The following PCDHGA9 variants were observed in gnomAD, a reference collection of about 807,000 sequenced individuals.
PCDHGA9 encodes the protein protocadherin gamma-A9.
PCDHGA9 carries 37 observed loss-of-function variants against 62.5 expected under a neutral mutation model. The ratio of observed to expected loss-of-function variants is 0.59; its 90% CI spans 0.46 to 0.78. The LOEUF (loss-of-function observed/expected upper bound fraction) is 0.78. Ranked by LOEUF, PCDHGA9 falls within the 30% of genes least tolerant of loss-of-function variation. The pLI is 0.00. For synonymous variants in PCDHGA9, 459 were observed against 484.6 expected (o/e 0.95, Z 0.69); for missense variants, 1,138 against 1,166.2 (o/e 0.98, Z 0.35).
At chr5:141,454,092 T>C (rs552760379) in intron 1 of PCDHGA9, among the ~76,000 whole-genome samples, 2 of 152,316 alleles carry the variant, frequency 1.3e-5, no homozygotes, top group East Asian at 3.9e-4. Flanking sequence ...GAAATTTGAA[T>C]TGAACATAAA....
chr5:141,453,560 G>A (rs1230229107), intron 1 of PCDHGA9, among the ~76,000 whole-genome samples: 3 of 151,968 alleles, frequency 2.0e-5, no homozygotes, highest in Admixed American at 6.6e-5. Flanking sequence ...GTAGATAATC[G>A]ATTTCATTAG....
intron 1 of PCDHGA9, among the ~76,000 whole-genome samples, chr5:141,437,310 C>T (rs1226274834): frequency 6.6e-6 from 1 of 152,166 alleles, no homozygotes; most frequent in Non-Finnish European, 1.5e-5. Flanking sequence ...TTAAAGCGTT[C>T]AGCTATAATT....
At position 141,415,832 on chromosome 5, in the gene PCDHGA9, T is replaced by C. The variant is rs995620508; in HGVS notation, c.2424+10456T>C. On this transcript the variant is annotated intron_variant, in intron 1 of 3. Coordinates refer to ENST00000573521, the MANE Select transcript of PCDHGA9 (RefSeq NM_018921.3). ...GCCTATATATCATAAGGCTTTGTTA[T>C]GATTAGCTTTGCAGAACCTTGTAGT... 33 of 1,310,754 alleles carry C rather than the reference T, an allele frequency of 2.5e-5. No individual in the cohort carries two copies. The African/African-American group carries it at 4.7e-4, about 19-fold the overall frequency. 81.2% of individuals were successfully genotyped at this position (1,310,754 alleles called of 1,614,324 possible).
At chr5:141,409,133 G>A in intron 1 of PCDHGA9, 1 of 1,614,002 alleles carries the variant, frequency 6.2e-7, no homozygotes, top group Non-Finnish European at 8.5e-7. Flanking sequence ...TGATTTTGAA[G>A]ATGTAGAAAG....
At chr5:141,424,036 C>T (rs2096796408) in intron 1 of PCDHGA9, 1 of 1,029,488 alleles carries the variant, frequency 9.7e-7, no homozygotes, top group Non-Finnish European at 1.2e-6. Flanking sequence ...CTTTTTATTT[C>T]CATTTCAATT....
intron 1 of PCDHGA9, chr5:141,407,951 A>C: frequency 1.7e-6 from 1 of 578,566 alleles, no homozygotes; most frequent in Non-Finnish European, 2.8e-6. Context: ...GCTGTCGGCC[A>C]GTGCAGAGCA....
In PCDHGA9 at chr5:141,477,806, G is replaced by T; in HGVS notation, c.2425-17001G>T. ...ATTTGTCACTGATCGCAATGACAAT[G>T]CCCCCCAGGTCCTATATCCTCGGCC... On this transcript the variant is annotated intron_variant, in intron 1 of 3. Coordinates refer to ENST00000573521, the MANE Select transcript of PCDHGA9 (RefSeq NM_018921.3). The surrounding 1 kb of genome is among the most constrained non-coding windows in gnomAD (Gnocchi z 4.9). 6.2e-7 allele frequency: 1 copy of T among 1,614,118 alleles called. No homozygotes were observed. The highest frequency in any genetic ancestry group is 8.5e-7 in the Non-Finnish European group (1 of 1,180,036).
At chr5:141,425,363 A>C (rs2096870488) in intron 1 of PCDHGA9, among the ~76,000 whole-genome samples, 1 of 152,212 alleles carries the variant, frequency 6.6e-6, no homozygotes, top group Non-Finnish European at 1.5e-5. Context: ...TGATATTAAG[A>C]GGGTTATGTT....
At chr5:141,496,994 T>A (rs2099773177) in intron 2 of PCDHGA9, among the ~76,000 whole-genome samples, 1 of 151,862 alleles carries the variant, frequency 6.6e-6, no homozygotes, top group Non-Finnish European at 1.5e-5. Flanking sequence ...GAGACCAGCC[T>A]GGCAGCCAAC....
intron 1 of PCDHGA9, among the ~76,000 whole-genome samples, chr5:141,442,703 C>A (rs1405830887): frequency 6.6e-6 from 1 of 152,218 alleles, no homozygotes; most frequent in Admixed American, 6.5e-5. Flanking sequence ...ACAAGAGTAT[C>A]AGACATGCCA....
chr5:141,431,725 G>A lies in PCDHGA9; in HGVS notation c.2424+26349G>A. The A allele has an allele frequency of 6.2e-7, 1 of 1,614,230 alleles. No individual in the cohort carries two copies. Among genetic ancestry groups the A allele is most frequent in the Non-Finnish European group, 8.5e-7 (1 of 1,180,044 alleles). On this transcript the variant is annotated intron_variant, in intron 1 of 3. Coordinates refer to ENST00000573521, the MANE Select transcript of PCDHGA9 (RefSeq NM_018921.3). The surrounding 1 kb of genome is among the most constrained non-coding windows in gnomAD (Gnocchi z 4.8). Reference sequence around the variant, plus strand: ...TCTACCAGATGGAAGTGCAAGCAATGGATAATGCAGGATATTCTGCGCGAG... The same window carrying A: ...TCTACCAGATGGAAGTGCAAGCAATAGATAATGCAGGATATTCTGCGCGAG...
chr5:141,416,006 G>A, intron 1 of PCDHGA9: 1 of 253,216 alleles, frequency 3.9e-6, no homozygotes, highest in Non-Finnish European at 7.3e-6. Context: ...GGTCTGGTAA[G>A]AATAGGTAAG....
At chr5:141,470,202 A>G (rs928782890) in intron 1 of PCDHGA9, among the ~76,000 whole-genome samples, 9 of 152,216 alleles carry the variant, frequency 5.9e-5, no homozygotes, top group Non-Finnish European at 1.2e-4. Flanking sequence ...GATAAATATG[A>G]AGGCTAAACC....
rs1554136305 is a variant in PCDHGA9, at chr5:141,450,006, CT to C, written c.2424+44648del. Reference sequence around the variant, plus strand: ...CACATTGCATTTAGTTGCCATGTCTCTTTTTTTTTTTTTTTTTTGAGACAGG... The same window carrying C: ...CACATTGCATTTAGTTGCCATGTCTCTTTTTTTTTTTTTTTTTGAGACAGG... On this transcript the variant is annotated intron_variant, in intron 1 of 3. Coordinates refer to ENST00000573521, the MANE Select transcript of PCDHGA9 (RefSeq NM_018921.3). Among the ~76,000 whole-genome samples, 140 of 132,944 alleles carry C rather than the reference CT, an allele frequency of 1.1e-3. 2 individuals are homozygous for C. In the Middle Eastern group the frequency reaches 0.016, roughly 15 times the overall value. 87.2% of individuals were successfully genotyped at this position (132,944 alleles called of 152,430 possible). A position where few individuals can be genotyped will look rare whatever the true frequency, so the allele number is the denominator to read the frequency against.
At position 141,511,237 on chromosome 5, in the gene PCDHGA9, TG is replaced by T; in HGVS notation, c.*65del. 1 of 1,590,378 alleles carries T rather than the reference TG, an allele frequency of 6.3e-7. No individual in the cohort carries two copies. Among genetic ancestry groups the T allele is most frequent in the Non-Finnish European group, 8.6e-7 (1 of 1,168,304 alleles). On this transcript the variant is annotated 3_prime_UTR_variant, in exon 4 of 4. Transcript: ENST00000573521. ...CCAACCAGCCCAGCTTCTCCTTACC[TG>T]CACCCAGGCCTCAGAGTTTCAGGGC...
Position 141,404,560 on chromosome 5 carries a change from C to T in PCDHGA9, c.1608C>T (p.Asp536=), listed in dbSNP as rs2094540099. 2.3e-5 allele frequency: 37 copies of T among 1,613,460 alleles called. No individual in the cohort carries two copies. Among genetic ancestry groups the T allele is most frequent in the Non-Finnish European group, 3.1e-5 (37 of 1,179,500 alleles). Residue 536 remains aspartate (D), a synonymous_variant, in exon 1 of 4, where the codon GAC becomes GAT. Transcript: ENST00000573521. ...TGCAAATGCAGGTGACGGCAAGTGA[C>T]AGTGGAAGCCCACCACTTAGCAGCA... The part of the protein sequence containing the change: ...RDLQMQVTAS[D]SGSPPLSSNV...
chr5:141,431,511 T>G lies in PCDHGA9; in HGVS notation c.2424+26135T>G, dbSNP rs1234369765. 6.2e-7 allele frequency: 1 copy of G among 1,614,018 alleles called. No individual in the cohort carries two copies. On this transcript the variant is annotated intron_variant, in intron 1 of 3. Transcript: ENST00000573521. The surrounding 1 kb of genome is among the most constrained non-coding windows in gnomAD (Gnocchi z 4.8). ...GCTCAGCCCGAGTACCGCGCGAGCGTTCCGGAGAATCTGGCCTTGGGCACG... is the reference window on the plus strand; with the variant it reads ...GCTCAGCCCGAGTACCGCGCGAGCGGTCCGGAGAATCTGGCCTTGGGCACG...
Position 141,454,981 on chromosome 5 carries a change from A to T in PCDHGA9, c.2425-39826A>T, listed in dbSNP as rs528657512. 9.9e-3 allele frequency among the ~76,000 whole-genome samples: 1,486 copies of T among 150,680 alleles called. 32 individuals carry two copies. Among genetic ancestry groups the T allele is most frequent in the African/African-American group, 0.034 (1,392 of 41,092 alleles). On this transcript the variant is annotated intron_variant, in intron 1 of 3. Coordinates refer to ENST00000573521, the MANE Select transcript of PCDHGA9 (RefSeq NM_018921.3). ...GGCCACCACGCCTGGCTAATTTTTTAAAAAATATTTTTAGTAGAGACGGGG... is the reference window on the plus strand; with the variant it reads ...GGCCACCACGCCTGGCTAATTTTTTTAAAAATATTTTTAGTAGAGACGGGG...
chr5:141,511,353 A>C lies in PCDHGA9; in HGVS notation c.*180A>C. ...AGTCAGCACCTACCCCTTCCCCCCC[A>C]GGGGGTTGAATATGCAAAAGCAGTT... On this transcript the variant is annotated 3_prime_UTR_variant, in exon 4 of 4. Transcript: ENST00000573521. 7.3e-7 allele frequency: 1 copy of C among 1,371,054 alleles called. No individual in the cohort carries two copies. Among genetic ancestry groups the C allele is most frequent in the Non-Finnish European group, 9.7e-7 (1 of 1,027,740 alleles). The allele number at this position is 1,371,054 out of a possible 1,614,324, so 84.9% of individuals were successfully genotyped here. A position where few individuals can be genotyped will look rare whatever the true frequency, so the allele number is the denominator to read the frequency against.
Sources: gnomAD v4.1 joint callset for allele counts (sites outside exome capture counted in the v4.1 genomes callset) on GRCh38, gnomAD v4.1.1 for gene constraint, Gnocchi (gnomAD v3.1) non-coding constraint, MANE v1.5 for transcripts, NCBI Gene and HGNC (gene_info 2026-07-23, HGNC 2026-07-21) for gene names.